PKNOX2: variants seen among roughly 807,000 people sequenced by gnomAD.
The protein encoded by PKNOX2 is homeobox protein PKNOX2.
In PKNOX2, 14 loss-of-function variants were observed where a neutral mutation model predicts 53.1. The observed-to-expected ratio is 0.26, with a 90% CI of 0.17 to 0.41. The LOEUF is 0.41. PKNOX2 is among the 10% of genes least tolerant of loss of function. The pLI is 1.00. For synonymous variants in PKNOX2, 257 were observed against 242.8 expected (o/e 1.06, Z -0.54); for missense variants, 496 against 602.8 (o/e 0.82, Z 1.85).
At chr11:125,252,404 A>G (rs1944071828) in intron 2 of PKNOX2, among the ~76,000 whole-genome samples, 1 of 152,170 alleles carries the variant, frequency 6.6e-6, no homozygotes, top group Admixed American at 6.5e-5. Context: ...CACTGCTTCA[A>G]TATGTGGAAT....
intron 10 of PKNOX2, among the ~76,000 whole-genome samples, chr11:125,428,529 C>T (rs1027014207): frequency 1.3e-5 from 2 of 152,172 alleles, no homozygotes; most frequent in African/African-American, 4.8e-5. Context: ...CTTCTGTCTC[C>T]TAGCCATGCC....
chr11:125,294,855 C>T (rs2135928453), intron 2 of PKNOX2, among the ~76,000 whole-genome samples: 1 of 152,332 alleles, frequency 6.6e-6, no homozygotes, highest in Middle Eastern at 3.4e-3. Context: ...CCCTTCACCA[C>T]CTGCCTCGCA....
chr11:125,324,583 G>C (rs1454822121), intron 2 of PKNOX2, among the ~76,000 whole-genome samples: 1 of 152,118 alleles, frequency 6.6e-6, no homozygotes, highest in East Asian at 1.9e-4. Flanking sequence ...TAAGTGTGAA[G>C]AGAACTGTGC....
Position 125,267,497 on chromosome 11 carries a change from G to A in PKNOX2, c.-130+32382G>A, listed in dbSNP as rs183207002. Among the ~76,000 whole-genome samples, 57 of 152,350 alleles carry A rather than the reference G, an allele frequency of 3.7e-4. 1 individual carries two copies. In the East Asian group the frequency reaches 0.01, roughly 28 times the overall value. On this transcript the variant is annotated intron_variant, in intron 2 of 12. Transcript: ENST00000298282. ...ATGTGAGGGAGAGGAAGAAGCTACTGCTTAGAGGGATTCTGCTCTCCAGGC... is the reference window on the plus strand; with the variant it reads ...ATGTGAGGGAGAGGAAGAAGCTACTACTTAGAGGGATTCTGCTCTCCAGGC...
chr11:125,372,914 ATG>A (rs1952633047), intron 5 of PKNOX2, among the ~76,000 whole-genome samples: 1 of 152,226 alleles, frequency 6.6e-6, no homozygotes, highest in East Asian at 1.9e-4. Flanking sequence ...AATAAAAGCA[ATG>A]TGAGCCCTGT....
At chr11:125,229,557 A>C (rs2135542327) in intron 1 of PKNOX2, among the ~76,000 whole-genome samples, 1 of 152,330 alleles carries the variant, frequency 6.6e-6, no homozygotes, top group African/African-American at 2.4e-5. Context: ...GAGTCGTGGA[A>C]GGGTACTAAA....
At chr11:125,383,697 TG>T (rs1230172593) in intron 5 of PKNOX2, among the ~76,000 whole-genome samples, 1 of 152,092 alleles carries the variant, frequency 6.6e-6, no homozygotes, top group Non-Finnish European at 1.5e-5. Flanking sequence ...GTAACTAAAA[TG>T]AAGTAAAATT....
At chr11:125,251,184 G>T (rs1191542882) in intron 2 of PKNOX2, among the ~76,000 whole-genome samples, 1 of 152,208 alleles carries the variant, frequency 6.6e-6, no homozygotes, top group Non-Finnish European at 1.5e-5. Context: ...CCTTGCTAAG[G>T]TTCAGTTCTA....
intron 10 of PKNOX2, among the ~76,000 whole-genome samples, chr11:125,419,047 C>T (rs909677154): frequency 7.9e-5 from 12 of 151,894 alleles, no homozygotes; most frequent in Admixed American, 7.9e-4. Flanking sequence ...TGTCAAAGGC[C>T]CACCTACAGG....
chr11:125,318,393 T>A (rs994487520), intron 2 of PKNOX2, among the ~76,000 whole-genome samples: 2 of 152,000 alleles, frequency 1.3e-5, no homozygotes, highest in African/African-American at 2.4e-5. Context: ...AGTGCTGGGA[T>A]TACAGGTGTG....
At chr11:125,255,009 G>A (rs571958929) in intron 2 of PKNOX2, among the ~76,000 whole-genome samples, 1 of 152,302 alleles carries the variant, frequency 6.6e-6, no homozygotes, top group South Asian at 2.1e-4. Flanking sequence ...TAGATATTGA[G>A]GATGCAACGC....
chr11:125,313,897 G>A (rs553164654), intron 2 of PKNOX2, among the ~76,000 whole-genome samples: 26 of 152,258 alleles, frequency 1.7e-4, no homozygotes, highest in East Asian at 3.9e-4. Flanking sequence ...GGAAAGTGCC[G>A]GGCTAAGATG....
At chr11:125,385,026 C>A (rs1043257126) in intron 5 of PKNOX2, among the ~76,000 whole-genome samples, 3 of 152,174 alleles carry the variant, frequency 2.0e-5, no homozygotes, top group African/African-American at 7.2e-5. Context: ...GACACATCTG[C>A]CCACCACGTG....
At chr11:125,378,590 C>G (rs1038486166) in intron 5 of PKNOX2, among the ~76,000 whole-genome samples, 1 of 152,192 alleles carries the variant, frequency 6.6e-6, no homozygotes, top group African/African-American at 2.4e-5. Context: ...AGCCGGGGGG[C>G]TCCAAGGTCA....
chr11:125,206,903 A>T (rs1159046376), intron 1 of PKNOX2, among the ~76,000 whole-genome samples: 1 of 151,922 alleles, frequency 6.6e-6, no homozygotes, highest in African/African-American at 2.4e-5. Context: ...CCAGGAAACC[A>T]GTTAGAGACC....
intron 10 of PKNOX2, among the ~76,000 whole-genome samples, chr11:125,423,517 T>C (rs1451293390): frequency 6.6e-6 from 1 of 152,220 alleles, no homozygotes; most frequent in Admixed American, 6.5e-5. Flanking sequence ...TGGTGAGAAG[T>C]ACCAGTTACT....
chr11:125,376,369 C>CGCTG lies in PKNOX2; in HGVS notation c.227+8388_227+8391dup, dbSNP rs1411409300. ...AGTAAAAATACATCCAACCAGGGGCCGCTGGCTCGCTCCCACCCCCCTCTG... is the reference window on the plus strand; with the variant it reads ...AGTAAAAATACATCCAACCAGGGGCCGCTGGCTGGCTCGCTCCCACCCCCCTCTG... On this transcript the variant is annotated intron_variant, in intron 5 of 12. Coordinates refer to ENST00000298282, the MANE Select transcript of PKNOX2 (RefSeq NM_001382323.2). Among the ~76,000 whole-genome samples the CGCTG allele has an allele frequency of 3.9e-5, 6 of 152,182 alleles. No individual in the cohort carries two copies. The South Asian group carries it at 8.3e-4, about 21-fold the overall frequency.
intron 2 of PKNOX2, among the ~76,000 whole-genome samples, chr11:125,263,720 G>A (rs888746997): frequency 4.6e-5 from 7 of 152,224 alleles, no homozygotes; most frequent in Non-Finnish European, 7.3e-5. Context: ...AGCCGAGGAT[G>A]AGCCATGCAG....
At chr11:125,207,296 CA>C (rs1033202335) in intron 1 of PKNOX2, among the ~76,000 whole-genome samples, 47 of 151,654 alleles carry the variant, frequency 3.1e-4, no homozygotes, top group African/African-American at 1.1e-3. Context: ...TCTTGAGTTC[CA>C]ACATCTATGG....
Sources: allele counts gnomAD v4.1 joint callset (sites outside exome capture counted in the v4.1 genomes callset), GRCh38; gene constraint gnomAD v4.1.1; transcripts MANE v1.5; gene names NCBI Gene and HGNC (gene_info 2026-07-23, HGNC 2026-07-21).